The following KIAA1217 variants were observed in gnomAD, a reference collection of about 807,000 sequenced individuals.
KIAA1217 encodes KIAA1217.
In KIAA1217, 88 loss-of-function variants were observed where a neutral mutation model predicts 163.9. The observed-to-expected ratio is 0.54, with a 90% CI of 0.45 to 0.64. The LOEUF (loss-of-function observed/expected upper bound fraction) is 0.64, where lower values mean the gene tolerates loss of function less well. Ranked by LOEUF, KIAA1217 falls within the 30% of genes least tolerant of loss-of-function variation. The pLI is 0.00. For missense variants in KIAA1217, 2,372 were observed against 2,475.0 expected (o/e 0.96, Z 0.88); for synonymous variants, 903 against 923.1 (o/e 0.98, Z 0.39).
At chr10:24,082,927 T>A (rs1430798509) in intron 2 of KIAA1217, among the ~76,000 whole-genome samples, 1 of 152,246 alleles carries the variant, frequency 6.6e-6, no homozygotes, top group Non-Finnish European at 1.5e-5. Context: ...GACTTTTTAA[T>A]AATGGCTTTT....
At chr10:24,133,164 T>C (rs1354554350) in intron 2 of KIAA1217, among the ~76,000 whole-genome samples, 1 of 151,996 alleles carries the variant, frequency 6.6e-6, no homozygotes, top group Non-Finnish European at 1.5e-5. Flanking sequence ...GAATTCAGAC[T>C]GCTTGCTTAA....
At chr10:24,301,843 G>A (rs187243814) in intron 2 of KIAA1217, among the ~76,000 whole-genome samples, 1 of 152,234 alleles carries the variant, frequency 6.6e-6, no homozygotes, top group Admixed American at 6.5e-5. Flanking sequence ...TCAGGAGTTC[G>A]AGACCAGCCT....
At chr10:24,084,131 C>A (rs1280748781) in intron 2 of KIAA1217, among the ~76,000 whole-genome samples, 1 of 152,232 alleles carries the variant, frequency 6.6e-6, no homozygotes, top group Non-Finnish European at 1.5e-5. Context: ...TGCAGTAAGA[C>A]TCTCCTGGCC....
At chr10:23,915,101 G>A (rs558516587) in intron 1 of KIAA1217, among the ~76,000 whole-genome samples, 2 of 152,034 alleles carry the variant, frequency 1.3e-5, no homozygotes, top group Non-Finnish European at 2.9e-5. Context: ...GGAAAGAAAG[G>A]AGGAAAGGAA....
At chr10:24,278,854 CTTT>C (rs11288814) in intron 2 of KIAA1217, among the ~76,000 whole-genome samples, 1 of 140,840 alleles carries the variant, frequency 7.1e-6, no homozygotes, top group Non-Finnish European at 1.5e-5. Flanking sequence ...ACTCAGATTA[CTTT>C]TTTTTTTTTT....
chr10:23,810,620 A>G (rs1349246448), intron 1 of KIAA1217, among the ~76,000 whole-genome samples: 23 of 130,132 alleles, frequency 1.8e-4, no homozygotes, highest in African/African-American at 6.4e-4. Context: ...ATAAATATAT[A>G]GTGTCTTATA....
At chr10:24,185,192 G>A (rs943092486) in intron 2 of KIAA1217, among the ~76,000 whole-genome samples, 4 of 152,040 alleles carry the variant, frequency 2.6e-5, no homozygotes, top group African/African-American at 9.7e-5. Context: ...CTCTGTTGTG[G>A]GAGTCTTCAC....
intron 1 of KIAA1217, among the ~76,000 whole-genome samples, chr10:23,750,508 G>T (rs937436272): frequency 6.6e-6 from 1 of 151,976 alleles, no homozygotes. Flanking sequence ...CGGTGGGCTT[G>T]GTGGCTCTCC....
intron 2 of KIAA1217, among the ~76,000 whole-genome samples, chr10:24,341,119 T>C (rs746874960): frequency 6.6e-6 from 1 of 152,200 alleles, no homozygotes; most frequent in Non-Finnish European, 1.5e-5. Flanking sequence ...TTACTTCTCC[T>C]GTCAAAATAA....
At position 23,886,199 on chromosome 10, in the gene KIAA1217, C is replaced by T. The variant is rs950068432; in HGVS notation, c.-320-121026C>T. On this transcript the variant is annotated intron_variant, in intron 1 of 18. Transcript: ENST00000376462. The stretch of plus-strand genomic sequence containing the variant: ...GGAAAAAAGCTGACCCTGTAGTGAC[C>T]TTTTCTGATTTCCAGTAGCCAAGTG... 3.9e-5 allele frequency among the ~76,000 whole-genome samples: 6 copies of T among 151,982 alleles called. 1 individual carries two copies. In the East Asian group the frequency reaches 7.8e-4, roughly 20 times the overall value.
intron 2 of KIAA1217, among the ~76,000 whole-genome samples, chr10:24,074,567 T>A (rs1279746244): frequency 6.6e-6 from 1 of 152,140 alleles, no homozygotes; most frequent in African/African-American, 2.4e-5. Context: ...AAACCAAACA[T>A]AAAAGGGCAG....
intron 2 of KIAA1217, among the ~76,000 whole-genome samples, chr10:24,224,362 G>T (rs969920399): frequency 6.6e-6 from 1 of 151,688 alleles, no homozygotes; most frequent in South Asian, 2.1e-4. Flanking sequence ...TTGAGACAGA[G>T]TCTCACTCTT....
chr10:23,832,788 GA>G (rs1838272020), intron 1 of KIAA1217, among the ~76,000 whole-genome samples: 1 of 152,142 alleles, frequency 6.6e-6, no homozygotes, highest in Non-Finnish European at 1.5e-5. Flanking sequence ...ACATACCTGA[GA>G]TTAGGCAATT....
chr10:24,062,359 A>G (rs2060760168), intron 2 of KIAA1217, among the ~76,000 whole-genome samples: 1 of 129,688 alleles, frequency 7.7e-6, no homozygotes, highest in East Asian at 2.4e-4. Flanking sequence ...TCATTGTTCA[A>G]CTCCCACCTA....
At chr10:24,044,011 T>A (rs1470902946) in intron 2 of KIAA1217, among the ~76,000 whole-genome samples, 1 of 152,112 alleles carries the variant, frequency 6.6e-6, no homozygotes, top group South Asian at 2.1e-4. Flanking sequence ...AGATAAATTA[T>A]AAAATAATGA....
At chr10:24,091,861 T>C (rs189154540) in intron 2 of KIAA1217, among the ~76,000 whole-genome samples, 2 of 151,868 alleles carry the variant, frequency 1.3e-5, no homozygotes, top group Non-Finnish European at 2.9e-5. Flanking sequence ...ACAGTCTGGT[T>C]GGGGCCAAGA....
chr10:23,980,890 C>G (rs1845736589), intron 1 of KIAA1217, among the ~76,000 whole-genome samples: 1 of 152,118 alleles, frequency 6.6e-6, no homozygotes, highest in Non-Finnish European at 1.5e-5. Flanking sequence ...TGGTTAATGC[C>G]TTTTGGGTCT....
intron 1 of KIAA1217, among the ~76,000 whole-genome samples, chr10:23,865,198 A>G (rs542028789): frequency 6.6e-6 from 1 of 152,272 alleles, no homozygotes; most frequent in Non-Finnish European, 1.5e-5. Flanking sequence ...CCTTTCCATC[A>G]GCAGCATGTG....
intron 1 of KIAA1217, among the ~76,000 whole-genome samples, chr10:23,866,804 C>G (rs1352446952): frequency 2.0e-5 from 3 of 152,014 alleles, no homozygotes; most frequent in Non-Finnish European, 4.4e-5. Context: ...GAGCTCTTCT[C>G]TTTGGTGCGA....
Sources: gnomAD v4.1 joint callset for allele counts (sites outside exome capture counted in the v4.1 genomes callset) on GRCh38, gnomAD v4.1.1 for gene constraint, MANE v1.5 for transcripts, NCBI Gene and HGNC (gene_info 2026-07-23, HGNC 2026-07-21) for gene names.